Variants in COL4A3 observed in about 807,000 individuals in gnomAD.
COL4A3 encodes collagen type IV alpha 3 chain, also known as collagen alpha-3(IV) chain.
Under a neutral mutation model 217.4 loss-of-function variants are expected in COL4A3, and 135 were observed. That is an observed-to-expected ratio of 0.62 (90% CI 0.54 to 0.72). COL4A3 has a LOEUF of 0.72. Ranked by LOEUF, COL4A3 falls within the 30% of genes least tolerant of loss-of-function variation. The probability of loss-of-function intolerance (pLI) is 0.00; values close to 1 mark genes in which losing one functional copy is unlikely to be tolerated. For synonymous variants in COL4A3, 690 were observed against 736.3 expected (o/e 0.94, Z 1.02); for missense variants, 1,868 against 2,119.9 (o/e 0.88, Z 2.33).
Position 227,305,768 on chromosome 2 carries a change from T to C in COL4A3, c.4252+685T>C, listed in dbSNP as rs538873032. ...TTTTATTCTGAACATATGCTGTATG[T>C]GTCAGTTTGATACCTGGATCAACAT... On this transcript the variant is annotated intron_variant, in intron 47 of 51. Transcript: ENST00000396578. 5.9e-5 allele frequency: 9 copies of C among 152,352 alleles called. No homozygotes were observed. The East Asian group carries it at 1.7e-3, about 29-fold the overall frequency. The allele number at this position is 152,352 out of a possible 1,614,324, so 9.4% of individuals were successfully genotyped here.
rs574993401 is a variant in COL4A3 at position 227,248,582 on chromosome 2, G to A, written c.546+62G>A. 118 of 1,110,788 alleles carry A rather than the reference G, an allele frequency of 1.1e-4. No homozygotes were observed. In the African/African-American group the frequency reaches 1.2e-3, roughly 11 times the overall value. 68.8% of individuals were successfully genotyped at this position (1,110,788 alleles called of 1,614,324 possible). A position where few individuals can be genotyped will look rare whatever the true frequency, so the allele number is the denominator to read the frequency against. Reference sequence around the variant, plus strand: ...TTTTTCACTCTCTCTCTCTCTTTTCGCCTCTCTTTACTTCGTCTCTCTTTT... The same window carrying A: ...TTTTTCACTCTCTCTCTCTCTTTTCACCTCTCTTTACTTCGTCTCTCTTTT... On this transcript the variant is annotated intron_variant, in intron 9 of 51. Transcript: ENST00000396578.
At chr2:227,311,725 T>C (rs1574845974) in intron 51 of COL4A3, 61 bp from the exon 52 acceptor site, 1 of 1,531,780 alleles carries the variant, frequency 6.5e-7, no homozygotes, top group Non-Finnish European at 9.0e-7. Flanking sequence ...TAAAACAAAC[T>C]CAGCAAAAAT....
At chr2:227,251,290 G>C in intron 10 of COL4A3, 46 bp from the exon 11 acceptor site, 1 of 1,607,792 alleles carries the variant, frequency 6.2e-7, no homozygotes. Flanking sequence ...AATTTTTCTG[G>C]TTGGATGCAT....
chr2:227,195,284 GA>G (rs35490706), intron 1 of COL4A3, among the ~76,000 whole-genome samples: 2 of 61,848 alleles, frequency 3.2e-5, no homozygotes, highest in Admixed American at 2.7e-4. Context: ...CCCAAATCCT[GA>G]AAAAAAAATC....
chr2:227,212,350 A>AC (rs1203107028), intron 1 of COL4A3, among the ~76,000 whole-genome samples: 2 of 151,992 alleles, frequency 1.3e-5, no homozygotes, highest in Non-Finnish European at 2.9e-5. Context: ...ATCTTTCCCT[A>AC]CCCCAAGGTC....
intron 1 of COL4A3, among the ~76,000 whole-genome samples, chr2:227,201,308 G>A (rs1033377783): frequency 6.6e-6 from 1 of 152,156 alleles, no homozygotes; most frequent in Admixed American, 6.5e-5. Flanking sequence ...TTCCTCTGTT[G>A]TTAAAATGTT....
chr2:227,183,860 G>A (rs1351175994), intron 1 of COL4A3, among the ~76,000 whole-genome samples: 2 of 152,186 alleles, frequency 1.3e-5, no homozygotes, highest in Non-Finnish European at 2.9e-5. Context: ...ATCTTCAACT[G>A]AGAGTGCAAG....
chr2:227,216,664 T>C (rs1028367183), intron 1 of COL4A3, among the ~76,000 whole-genome samples: 59 of 152,304 alleles, frequency 3.9e-4, no homozygotes, highest in Non-Finnish European at 1.8e-4. Flanking sequence ...TGCAATTAAA[T>C]GATATAAATG....
At chr2:227,252,013 G>A (rs570187750) in intron 11 of COL4A3, among the ~76,000 whole-genome samples, 3 of 135,788 alleles carry the variant, frequency 2.2e-5, no homozygotes, top group African/African-American at 8.3e-5. Context: ...AGTTTGCAGT[G>A]AGCCAAGATA....
chr2:227,305,682 AT>A (rs1334111588), intron 47 of COL4A3: 2 of 150,944 alleles, frequency 1.3e-5, no homozygotes, highest in African/African-American at 4.9e-5. Context: ...AAAAAAAGCC[AT>A]TCTTGAATAG....
At chr2:227,225,559 G>A (rs2068040787) in intron 1 of COL4A3, among the ~76,000 whole-genome samples, 1 of 152,152 alleles carries the variant, frequency 6.6e-6, no homozygotes, top group Admixed American at 6.5e-5. Context: ...AGTGGAGGTG[G>A]GTGTGGCTAA....
chr2:227,259,632 A>G (rs2070415511), intron 18 of COL4A3, 161 bp from the exon 19 acceptor site: 1 of 614,764 alleles, frequency 1.6e-6, no homozygotes, highest in Non-Finnish European at 2.9e-6. Context: ...TTCCACCTAC[A>G]TTTACATGAC....
At chr2:227,307,268 T>C (rs4673190) in intron 47 of COL4A3, among the ~76,000 whole-genome samples, 10,257 of 152,332 alleles carry the variant, frequency 0.067, 440 homozygotes, top group Middle Eastern at 0.14. Context: ...TTGTTTATTG[T>C]AGACAATGTT....
rs778080065 is a variant in COL4A3, at chr2:227,311,883, C to A, written c.*13C>A. The stretch of plus-strand genomic sequence containing the variant: ...GAAAAGACACTGAAGCTAAAAAAGA[C>A]AGCAGAACTGCTATTTTTCATCCTA... On this transcript the variant is annotated 3_prime_UTR_variant, in exon 52 of 52. Transcript: ENST00000396578. 1.1e-5 allele frequency: 18 copies of A among 1,613,472 alleles called. No homozygotes were observed. In the African/African-American group the frequency reaches 1.5e-4, roughly 13 times the overall value.
At chr2:227,247,101 G>C (rs1386801107) in intron 7 of COL4A3, among the ~76,000 whole-genome samples, 1 of 152,208 alleles carries the variant, frequency 6.6e-6, no homozygotes, top group Non-Finnish European at 1.5e-5. Context: ...ATCCTGTAAA[G>C]GAGGAGCAGC....
chr2:227,285,277 TAAAAAAAA>T (rs764697409), intron 34 of COL4A3, among the ~76,000 whole-genome samples: 4 of 72,374 alleles, frequency 5.5e-5, no homozygotes, highest in East Asian at 4.5e-4. Flanking sequence ...CTGCCAAACC[TAAAAAAAA>T]AAAAAAAAAA....
At position 227,279,891 on chromosome 2, in the gene COL4A3, G is replaced by A. The variant is rs1553759476; in HGVS notation, c.2223+1G>A. On this transcript the variant is annotated splice_donor_variant, in intron 29 of 51. Coordinates refer to ENST00000396578, the MANE Select transcript of COL4A3 (RefSeq NM_000091.5). LOFTEE classifies it high-confidence loss of function. ...AAAGCCAGGCCTCCCAGGAGCCAAG[G>A]TATGCAAAAATTCAAGCTATCACAG... 1 of 1,599,892 alleles carries A rather than the reference G, an allele frequency of 6.3e-7. No individual in the cohort carries two copies. Among genetic ancestry groups the A allele is most frequent in the Non-Finnish European group, 8.5e-7 (1 of 1,172,396 alleles).
chr2:227,225,790 C>T (rs1458228676), intron 1 of COL4A3, among the ~76,000 whole-genome samples: 1 of 149,398 alleles, frequency 6.7e-6, no homozygotes, highest in Non-Finnish European at 1.5e-5. Context: ...CTGCTTACTG[C>T]AACCTCCACC....
intron 1 of COL4A3, among the ~76,000 whole-genome samples, chr2:227,171,008 C>T (rs754963942): frequency 4.6e-5 from 7 of 151,760 alleles, no homozygotes; most frequent in South Asian, 2.1e-4. Flanking sequence ...TAAAATGGCT[C>T]TTCTTAAAAC....
Sources: allele counts gnomAD v4.1 joint callset (sites outside exome capture counted in the v4.1 genomes callset), GRCh38; gene constraint gnomAD v4.1.1; transcripts MANE v1.5; gene names NCBI Gene and HGNC (gene_info 2026-07-23, HGNC 2026-07-21).